SNTG2: variants seen among roughly 807,000 people sequenced by gnomAD.
SNTG2 encodes the protein syntrophin gamma 2.
A neutral mutation model predicts 70.9 loss-of-function variants in SNTG2; 74 were observed. The observed-to-expected ratio is 1.04, with a 90% CI of 0.86 to 1.27. The LOEUF (loss-of-function observed/expected upper bound fraction) is 1.27, where lower values mean the gene tolerates loss of function less well. Ranked by LOEUF, SNTG2 falls within the 50% of genes most tolerant of loss-of-function variation. The pLI, the probability that SNTG2 is intolerant of heterozygous loss-of-function variation, is 0.00. For missense variants in SNTG2, 717 were observed against 690.7 expected (o/e 1.04, Z -0.43); for synonymous variants, 278 against 273.8 (o/e 1.02, Z -0.15).
chr2:1,083,487 A>T (rs1664477435), intron 1 of SNTG2, 31 bp from the exon 2 acceptor site: 1 of 1,611,186 alleles, frequency 6.2e-7, no homozygotes, highest in African/African-American at 1.3e-5. Context: ...CCCTCACACC[A>T]TTTTTTTGTG....
At chr2:1,217,786 G>A (rs1558543292) in intron 9 of SNTG2, among the ~76,000 whole-genome samples, 1 of 152,176 alleles carries the variant, frequency 6.6e-6, no homozygotes, top group Non-Finnish European at 1.5e-5. Flanking sequence ...GGTGGCCATG[G>A]TGGTGGAGAT....
intron 1 of SNTG2, among the ~76,000 whole-genome samples, chr2:1,055,974 T>A (rs1210147918): frequency 6.6e-6 from 1 of 152,048 alleles, no homozygotes; most frequent in Admixed American, 6.5e-5. Flanking sequence ...TGATCTGTCC[T>A]GGACATGCGG....
chr2:1,147,957 C>A (rs549646398), intron 6 of SNTG2, among the ~76,000 whole-genome samples: 5 of 152,312 alleles, frequency 3.3e-5, no homozygotes, highest in Non-Finnish European at 5.9e-5. Context: ...AAGAAGAGAG[C>A]CAATTACTTG....
chr2:963,779 C>T (rs1660436673), intron 1 of SNTG2, among the ~76,000 whole-genome samples: 1 of 152,146 alleles, frequency 6.6e-6, no homozygotes, highest in African/African-American at 2.4e-5. Flanking sequence ...ACTCTAGAAT[C>T]TTAACAGTTT....
At chr2:1,111,397 TCTTAC>T (rs1284980878) in intron 4 of SNTG2, among the ~76,000 whole-genome samples, 1 of 152,170 alleles carries the variant, frequency 6.6e-6, no homozygotes, top group Admixed American at 6.5e-5. Flanking sequence ...GCCGGGCCCC[TCTTAC>T]CTTTGCAGGG....
intron 12 of SNTG2, among the ~76,000 whole-genome samples, chr2:1,254,265 A>C (rs1222588127): frequency 2.6e-5 from 4 of 152,176 alleles, no homozygotes; most frequent in African/African-American, 9.7e-5. Context: ...TGTCTTTCCC[A>C]TGCACCAGGA....
At chr2:1,223,277 C>T (rs919324289) in intron 9 of SNTG2, among the ~76,000 whole-genome samples, 64 of 135,748 alleles carry the variant, frequency 4.7e-4, no homozygotes, top group Admixed American at 1.8e-3. Context: ...TGATGGAGTG[C>T]GTCTCCCTGT....
intron 1 of SNTG2, among the ~76,000 whole-genome samples, chr2:951,422 C>G (rs560576416): frequency 1.3e-5 from 2 of 152,326 alleles, no homozygotes; most frequent in South Asian, 2.1e-4. Context: ...TTCCCAGGAG[C>G]GGCTCTTTCG....
rs145919454 is a variant in SNTG2, at chr2:1,234,711, CAG to C, written c.720-3176_720-3175del. On this transcript the variant is annotated intron_variant, in intron 9 of 16. Coordinates refer to ENST00000308624, the MANE Select transcript of SNTG2 (RefSeq NM_018968.4). ...GGGGCTCCACGTGCATTCACTGCCT[CAG>C]GGGGCAAAGCTGATGATCTTTCTCA... 1.9e-3 allele frequency among the ~76,000 whole-genome samples: 296 copies of C among 152,300 alleles called. 2 individuals are homozygous for C. Among genetic ancestry groups the C allele is most frequent in the African/African-American group, 6.7e-3 (279 of 41,556 alleles).
intron 4 of SNTG2, among the ~76,000 whole-genome samples, chr2:1,116,607 C>G (rs1666994334): frequency 6.8e-6 from 1 of 146,528 alleles, no homozygotes; most frequent in Admixed American, 6.8e-5. Flanking sequence ...TTCGGGTGCC[C>G]TGGTGTGTGG....
chr2:1,330,354 A>G (rs149972085), intron 16 of SNTG2, among the ~76,000 whole-genome samples: 30 of 152,308 alleles, frequency 2.0e-4, no homozygotes, highest in African/African-American at 3.4e-4. Flanking sequence ...AAGAATTTCC[A>G]TGCTGTTTCA....
At chr2:1,157,817 G>A (rs999267969) in intron 6 of SNTG2, among the ~76,000 whole-genome samples, 3 of 152,278 alleles carry the variant, frequency 2.0e-5, no homozygotes, top group African/African-American at 7.2e-5. Flanking sequence ...CCTGCCCCGC[G>A]GGTGATATGA....
At chr2:1,084,587 C>T (rs969184118) in intron 2 of SNTG2, among the ~76,000 whole-genome samples, 8 of 152,194 alleles carry the variant, frequency 5.3e-5, no homozygotes, top group African/African-American at 1.4e-4. Flanking sequence ...CATCCCACCA[C>T]GTGCCCTCTT....
intron 6 of SNTG2, among the ~76,000 whole-genome samples, chr2:1,155,646 G>A (rs1669845329): frequency 6.6e-6 from 1 of 152,160 alleles, no homozygotes; most frequent in East Asian, 1.9e-4. Context: ...TGAGAGAGAC[G>A]GCCACCTGCA....
intron 16 of SNTG2, among the ~76,000 whole-genome samples, chr2:1,362,491 G>A (rs11683575): frequency 0.015 from 2,285 of 151,704 alleles, 51 homozygotes; most frequent in African/African-American, 0.052. Flanking sequence ...GAACTTCCAC[G>A]AAGGTCACCG....
chr2:1,036,118 C>T (rs561835270), intron 1 of SNTG2, among the ~76,000 whole-genome samples: 1 of 152,186 alleles, frequency 6.6e-6, no homozygotes, highest in East Asian at 1.9e-4. Flanking sequence ...TTTTAACTTA[C>T]GGTTTATTAG....
chr2:1,191,098 GAGGGC>G (rs1309065228), intron 8 of SNTG2, among the ~76,000 whole-genome samples: 2 of 152,166 alleles, frequency 1.3e-5, no homozygotes, highest in Non-Finnish European at 2.9e-5. Flanking sequence ...GAAAGAAAAT[GAGGGC>G]TTCAGGGCCC....
At chr2:1,308,931 T>A (rs1036884551) in intron 15 of SNTG2, among the ~76,000 whole-genome samples, 2 of 152,230 alleles carry the variant, frequency 1.3e-5, no homozygotes, top group Middle Eastern at 3.4e-3. Context: ...GTGGTAGCGG[T>A]GAACAGTGCC....
chr2:1,132,632 ACT>A (rs1458622046), intron 4 of SNTG2, among the ~76,000 whole-genome samples: 1 of 152,072 alleles, frequency 6.6e-6, no homozygotes, highest in Non-Finnish European at 1.5e-5. Context: ...TGAGGGGGTG[ACT>A]CTGAGCGGAG....
Sources: gnomAD v4.1 joint callset for allele counts (sites outside exome capture counted in the v4.1 genomes callset) on GRCh38, gnomAD v4.1.1 for gene constraint, MANE v1.5 for transcripts, NCBI Gene and HGNC (gene_info 2026-07-23, HGNC 2026-07-21) for gene names.